The following COL19A1 variants were observed in gnomAD, a reference collection of about 807,000 sequenced individuals.
COL19A1 encodes the protein collagen type XIX alpha 1 chain.
In COL19A1, 159 loss-of-function variants were observed where a neutral mutation model predicts 190.2. The observed-to-expected ratio is 0.84, with a 90% confidence interval of 0.73 to 0.95. The LOEUF is 0.95. Ranked by LOEUF, COL19A1 falls within the 40% of genes least tolerant of loss-of-function variation. The probability of loss-of-function intolerance (pLI) is 0.00; values close to 1 mark genes in which losing one functional copy is unlikely to be tolerated. For missense variants in COL19A1, 1,418 were observed against 1,431.9 expected (o/e 0.99, Z 0.16); for synonymous variants, 509 against 458.9 (o/e 1.11, Z -1.39).
rs542927549 is a variant in COL19A1 at position 69,929,636 on chromosome 6, A to G, written c.602A>G (p.Asp201Gly). The change falls in exon 6 of 51, where the codon GAC becomes GGC. Residue 201 changes from aspartate (D) to glycine (G), a missense_variant. Coordinates refer to ENST00000620364, the MANE Select transcript of COL19A1 (RefSeq NM_001858.6). The part of the protein sequence containing the change: ...LIARRQTDEK[D>G]TVDFHGRTVI... ...GCGAGGAGGCAGACTGATGAAAAGG[A>G]CACTGTGGATTTCCATGGACGGACA... 3.1e-6 allele frequency: 5 copies of G among 1,614,030 alleles called. No homozygotes were observed. In the East Asian group the frequency reaches 8.9e-5, roughly 29 times the overall value.
intron 11 of COL19A1, among the ~76,000 whole-genome samples, chr6:69,983,729 T>C (rs1162637514): frequency 1.3e-5 from 2 of 152,118 alleles, no homozygotes; most frequent in East Asian, 3.8e-4. Flanking sequence ...TAATTTTCTT[T>C]CTATTCTGTT....
intron 30 of COL19A1, 117 bp from the exon 31 acceptor site, chr6:70,151,280 G>A: frequency 1.1e-6 from 1 of 897,504 alleles, no homozygotes; most frequent in Non-Finnish European, 1.7e-6. Flanking sequence ...ATTCTAAAGT[G>A]AGACACCAGA....
intron 24 of COL19A1, among the ~76,000 whole-genome samples, chr6:70,144,500 G>A (rs2150238014): frequency 6.6e-6 from 1 of 152,264 alleles, no homozygotes; most frequent in Middle Eastern, 3.4e-3. Context: ...TGAAAGTCAA[G>A]CTCAGTTACC....
intron 11 of COL19A1, among the ~76,000 whole-genome samples, chr6:70,016,366 T>TAAAAAAAAAAA (rs752043571): frequency 1.6e-4 from 6 of 37,630 alleles, no homozygotes; most frequent in Middle Eastern, 0.014. Context: ...TAGAGTATAA[T>TAAAAAAAAAAA]AAAAAAAAAA....
chr6:70,080,563 G>A (rs1782185916), intron 15 of COL19A1, among the ~76,000 whole-genome samples: 1 of 152,078 alleles, frequency 6.6e-6, no homozygotes, highest in South Asian at 2.1e-4. Flanking sequence ...CATTTTGTCA[G>A]AACACAGTTC....
intron 4 of COL19A1, among the ~76,000 whole-genome samples, chr6:69,901,780 T>C (rs969703989): frequency 6.6e-6 from 1 of 152,252 alleles, no homozygotes; most frequent in African/African-American, 2.4e-5. Flanking sequence ...TCTCCCCATC[T>C]TCTTTCGGAT....
In COL19A1 at chr6:69,888,890, G is replaced by A. The variant is rs531193293; in HGVS notation, c.91+9232G>A. 3.1e-3 allele frequency among the ~76,000 whole-genome samples: 469 copies of A among 151,210 alleles called. 5 individuals carry two copies. The highest frequency in any genetic ancestry group is 0.011 in the African/African-American group (443 of 41,212). ...ACTTTACCTTTTTTTGTTAACTGGTGTTCTTTTTCCCAACCTGATATACTT... is the reference window on the plus strand; with the variant it reads ...ACTTTACCTTTTTTTGTTAACTGGTATTCTTTTTCCCAACCTGATATACTT... On this transcript the variant is annotated intron_variant, in intron 2 of 50. Transcript: ENST00000620364.
At position 69,896,304 on chromosome 6, in the gene COL19A1, G is replaced by A. The variant is rs553517409; in HGVS notation, c.92-2644G>A. On this transcript the variant is annotated intron_variant, in intron 2 of 50. Transcript: ENST00000620364. ...TGTAATCCCAGCACTTTGGGAGGCCGAGGCGGGTGGATCATGAGGTCAGGA... is the reference window on the plus strand; with the variant it reads ...TGTAATCCCAGCACTTTGGGAGGCCAAGGCGGGTGGATCATGAGGTCAGGA... Among the ~76,000 whole-genome samples the A allele has an allele frequency of 5.3e-5, 8 of 151,974 alleles. No homozygotes were observed. The South Asian group carries it at 6.2e-4, about 12-fold the overall frequency.
Position 70,060,435 on chromosome 6 carries a change from G to C in COL19A1, c.1171-7988G>C, listed in dbSNP as rs79120395. On this transcript the variant is annotated intron_variant, in intron 14 of 50. Coordinates refer to ENST00000620364, the MANE Select transcript of COL19A1 (RefSeq NM_001858.6). ...ACCAGTTCGCAGCCTGTTAGGAACC[G>C]GACCACATAGCAGGAGGTGAGTGGT... 3.9e-5 allele frequency among the ~76,000 whole-genome samples: 6 copies of C among 152,220 alleles called. No homozygotes were observed. In the East Asian group the frequency reaches 1.2e-3, roughly 29 times the overall value.
intron 20 of COL19A1, among the ~76,000 whole-genome samples, chr6:70,141,257 T>C (rs1786231621): frequency 6.6e-6 from 1 of 152,028 alleles, no homozygotes. Flanking sequence ...TGATTGGACA[T>C]GAATGTTATA....
chr6:69,951,624 T>C (rs374548867), intron 9 of COL19A1, among the ~76,000 whole-genome samples: 1 of 151,958 alleles, frequency 6.6e-6, no homozygotes, highest in Admixed American at 6.6e-5. Context: ...TCCTCACTTA[T>C]TATAAATATG....
At position 70,180,482 on chromosome 6, in the gene COL19A1, G is replaced by A; in HGVS notation, c.2734G>A (p.Asp912Asn). 2 of 1,614,152 alleles carry A rather than the reference G, an allele frequency of 1.2e-6. No individual in the cohort carries two copies. The highest frequency in any genetic ancestry group is 1.3e-5 in the African/African-American group (1 of 75,052). The change falls in exon 44 of 51, where the codon GAT becomes AAT. Residue 912 changes from aspartate to asparagine, a missense_variant. Physicochemically the swap from Asp to Asn is conservative, Grantham distance 23 (BLOSUM62 1). Transcript: ENST00000620364. ...GEPGERGPVGDIGFPGPEGPS... is the reference protein window; with the variant it reads ...GEPGERGPVGNIGFPGPEGPS... Reference sequence around the variant, plus strand: ...ATAGGGTGAGAGAGGACCTGTTGGAGATATAGGTTTCCCTGGACCAGAAGG... The same window carrying A: ...ATAGGGTGAGAGAGGACCTGTTGGAAATATAGGTTTCCCTGGACCAGAAGG...
At chr6:70,166,810 C>T (rs1339206305) in intron 37 of COL19A1, among the ~76,000 whole-genome samples, 2 of 152,144 alleles carry the variant, frequency 1.3e-5, no homozygotes, top group Non-Finnish European at 2.9e-5. Context: ...GTGTTACTGA[C>T]CTTTTCCCTT....
At chr6:70,154,536 T>C (rs1432866220) in intron 31 of COL19A1, among the ~76,000 whole-genome samples, 2 of 152,166 alleles carry the variant, frequency 1.3e-5, no homozygotes, top group South Asian at 2.1e-4. Context: ...TCATCAGGGT[T>C]CTCTAGAGGG....
In COL19A1 at chr6:70,093,037, G is replaced by GTCAAT. The variant is rs1783026245; in HGVS notation, c.1225-9130_1225-9126dup. Among the ~76,000 whole-genome samples the GTCAAT allele has an allele frequency of 1.3e-5, 2 of 152,056 alleles. 1 individual carries two copies. The highest frequency in any genetic ancestry group is 4.1e-4 in the South Asian group (2 of 4,824). On this transcript the variant is annotated intron_variant, in intron 15 of 50. Coordinates refer to ENST00000620364, the MANE Select transcript of COL19A1 (RefSeq NM_001858.6). ...ATATGCATTATTTGTCCCTCTGCAT[G>GTCAAT]TCAATTTTGTTGACTCTAAACCTAC... is the stretch of plus-strand genomic sequence containing the variant.
At chr6:70,180,968 G>C (rs1056297126) in intron 44 of COL19A1, among the ~76,000 whole-genome samples, 1 of 152,130 alleles carries the variant, frequency 6.6e-6, no homozygotes, top group South Asian at 2.1e-4. Flanking sequence ...AATCACTACT[G>C]GTGAATGTCT....
At chr6:69,966,406 T>A (rs892496811) in intron 11 of COL19A1, among the ~76,000 whole-genome samples, 3 of 152,200 alleles carry the variant, frequency 2.0e-5, no homozygotes, top group Non-Finnish European at 4.4e-5. Flanking sequence ...CATAGGAGAC[T>A]CCATTTTGTT....
intron 4 of COL19A1, among the ~76,000 whole-genome samples, chr6:69,920,631 T>C (rs191826467): frequency 1.1e-3 from 166 of 152,212 alleles, no homozygotes; most frequent in Non-Finnish European, 1.7e-3. Context: ...TTGAAAATAT[T>C]GATTTTATAT....
Position 70,211,349 on chromosome 6 carries a change from T to G in COL19A1, c.*4075T>G, listed in dbSNP as rs1467449495. ...AAAAAAGCTTTGCAGATTTGTCCAT[T>G]GCTCTTGTTCTTAAATTATTTTTCA... On this transcript the variant is annotated 3_prime_UTR_variant, in exon 51 of 51. Coordinates refer to ENST00000620364, the MANE Select transcript of COL19A1 (RefSeq NM_001858.6). Among the ~76,000 whole-genome samples, 1 of 152,020 alleles carries G rather than the reference T, an allele frequency of 6.6e-6. No individual in the cohort carries two copies. The highest frequency in any genetic ancestry group is 1.5e-5 in the Non-Finnish European group (1 of 67,958).
Sources: gnomAD v4.1 joint callset for allele counts (sites outside exome capture counted in the v4.1 genomes callset) on GRCh38, gnomAD v4.1.1 for gene constraint, MANE v1.5 for transcripts, NCBI Gene and HGNC (gene_info 2026-07-23, HGNC 2026-07-21) for gene names.